BCAS3: variants seen among roughly 807,000 people sequenced by gnomAD.
BCAS3 encodes the protein BCAS3 microtubule associated cell migration factor.
BCAS3 carries 53 observed loss-of-function variants against 116.1 expected under a neutral mutation model. The ratio of observed to expected loss-of-function variants is 0.46; its 90% confidence interval spans 0.37 to 0.57. The LOEUF is 0.57. BCAS3 is among the 20% of genes least tolerant of loss of function. BCAS3 has a pLI of 0.00. For missense variants in BCAS3, 917 were observed against 1,165.4 expected (o/e 0.79, Z 3.10); for synonymous variants, 391 against 408.2 (o/e 0.96, Z 0.51).
Position 61,302,354 on chromosome 17 carries a change from T to C in BCAS3, c.2426-65973T>C, listed in dbSNP as rs567397261. Among the ~76,000 whole-genome samples, 9 of 152,352 alleles carry C rather than the reference T, an allele frequency of 5.9e-5. No homozygotes were observed. Among genetic ancestry groups the C allele is most frequent in the African/African-American group, 2.2e-4 (9 of 41,586 alleles). On this transcript the variant is annotated intron_variant, in intron 22 of 23. Transcript: ENST00000407086. The surrounding 1 kb of genome is among the most constrained non-coding windows in gnomAD (Gnocchi z 4.4). The stretch of plus-strand genomic sequence containing the variant: ...TCAGCAATAACTCATGTCCACTTAA[T>C]GTGAAAATTGGTACCATCTAATAGA...
intron 7 of BCAS3, among the ~76,000 whole-genome samples, chr17:60,818,983 A>G (rs560314216): frequency 6.6e-6 from 1 of 152,296 alleles, no homozygotes; most frequent in East Asian, 1.9e-4. Flanking sequence ...CATGCTAGAT[A>G]TGATCTCTGT....
intron 13 of BCAS3, 48 bp from the exon 14 acceptor site, chr17:60,947,171 C>A: frequency 1.3e-6 from 2 of 1,528,728 alleles, no homozygotes; most frequent in Non-Finnish European, 8.9e-7. Context: ...ATATTTCATC[C>A]ACATACATAA....
At chr17:61,246,823 G>GTGTGTGTA (rs1555793391) in intron 22 of BCAS3, among the ~76,000 whole-genome samples, 1 of 151,722 alleles carries the variant, frequency 6.6e-6, no homozygotes, top group Non-Finnish European at 1.5e-5. Context: ...GTGTGTGTGT[G>GTGTGTGTA]TGTGTGTATG....
At chr17:61,114,070 G>T (rs2143757374) in intron 22 of BCAS3, among the ~76,000 whole-genome samples, 1 of 151,596 alleles carries the variant, frequency 6.6e-6, no homozygotes, top group East Asian at 1.9e-4. Flanking sequence ...AAGAAATTAG[G>T]TATTGATGGG....
chr17:61,110,522 G>A (rs2143728969), intron 22 of BCAS3, among the ~76,000 whole-genome samples: 1 of 152,344 alleles, frequency 6.6e-6, no homozygotes, highest in Admixed American at 6.5e-5. Flanking sequence ...CCTGAATATT[G>A]CGCTTTTCGG....
intron 6 of BCAS3, among the ~76,000 whole-genome samples, chr17:60,794,142 A>G (rs1248417202): frequency 1.3e-5 from 2 of 152,062 alleles, no homozygotes; most frequent in African/African-American, 4.8e-5. Flanking sequence ...TTTGACTTGC[A>G]TTTCCCTGAT....
chr17:61,006,813 A>C (rs1259750843), intron 15 of BCAS3, among the ~76,000 whole-genome samples: 2 of 152,026 alleles, frequency 1.3e-5, no homozygotes, highest in Admixed American at 6.6e-5. Context: ...GATCTTTTTA[A>C]AAAATTTTTA....
At chr17:61,163,256 C>T (rs926800177) in intron 22 of BCAS3, among the ~76,000 whole-genome samples, 5 of 152,082 alleles carry the variant, frequency 3.3e-5, no homozygotes, top group Admixed American at 1.3e-4. Context: ...AACCCAGTCT[C>T]TACTAAAAAT....
intron 19 of BCAS3, chr17:61,070,422 TAGAA>T (rs1370590867): frequency 6.8e-5 from 12 of 176,240 alleles, no homozygotes; most frequent in South Asian, 1.8e-4. Context: ...TTAAAAAAAA[TAGAA>T]AGGAAGCTTT....
chr17:61,048,869 G>A (rs1445603504), intron 19 of BCAS3, among the ~76,000 whole-genome samples: 2 of 151,878 alleles, frequency 1.3e-5, no homozygotes, highest in African/African-American at 4.8e-5. Flanking sequence ...CACAGAGTCA[G>A]GACTAGTGAC....
Position 60,924,463 on chromosome 17 carries a change from T to C in BCAS3, c.1050T>C (p.His350=), listed in dbSNP as rs1261826570. 4 of 1,613,650 alleles carry C rather than the reference T, an allele frequency of 2.5e-6. No homozygotes were observed. In the South Asian group the frequency reaches 3.3e-5, roughly 13 times the overall value. The change falls in exon 13 of 24, where the codon CAT becomes CAC. Residue 350 remains histidine, a synonymous_variant. Transcript: ENST00000407086. ...SDGIVAHFPA[H]EKPVCCMAFN... is the part of the protein sequence containing the mutation. ...GCATTGTGGCCCACTTCCCTGCCCA[T>C]GAGAAGCCAGTGTGCTGCATGGCTT...
chr17:61,046,058 T>TA (rs1491476577), intron 19 of BCAS3, among the ~76,000 whole-genome samples: 2 of 19,078 alleles, frequency 1.0e-4, no homozygotes, highest in South Asian at 1.5e-3. Flanking sequence ...ATATATATAT[T>TA]ATATATATAT....
intron 19 of BCAS3, among the ~76,000 whole-genome samples, chr17:61,044,834 C>T (rs182321372): frequency 1.9e-4 from 29 of 150,900 alleles, no homozygotes; most frequent in Admixed American, 1.8e-3. Flanking sequence ...TGCAGTAGCA[C>T]CATCTCAGCT....
At chr17:61,287,880 C>T (rs749429351) in intron 22 of BCAS3, among the ~76,000 whole-genome samples, 7 of 152,150 alleles carry the variant, frequency 4.6e-5, no homozygotes, top group Non-Finnish European at 7.3e-5. Flanking sequence ...TATTTTTGTT[C>T]ATTTTCTCAT....
intron 23 of BCAS3, chr17:61,382,664 AAAAG>A (rs2143630370): frequency 6.6e-6 from 1 of 152,292 alleles, no homozygotes; most frequent in East Asian, 1.9e-4. Context: ...TCCAAAAAAA[AAAAG>A]GAAGAAGGAA....
At chr17:61,096,732 G>A (rs1042083764) in intron 22 of BCAS3, among the ~76,000 whole-genome samples, 3 of 151,966 alleles carry the variant, frequency 2.0e-5, no homozygotes, top group African/African-American at 4.8e-5. Flanking sequence ...CCTCCACTAC[G>A]ATGTTGAATA....
chr17:61,190,388 G>A (rs2080029074), intron 22 of BCAS3, among the ~76,000 whole-genome samples: 1 of 151,516 alleles, frequency 6.6e-6, no homozygotes, highest in African/African-American at 2.4e-5. Context: ...TTAGCTGGGC[G>A]CAGTTGTGTG....
In BCAS3 at chr17:61,380,321, G is replaced by C; in HGVS notation, c.2594-11656G>C. The C allele has an allele frequency of 1.6e-6, 1 of 621,816 alleles. No individual in the cohort carries two copies. The highest frequency in any genetic ancestry group is 2.9e-6 in the Non-Finnish European group (1 of 347,312). The allele number at this position is 621,816 out of a possible 1,614,324, so 38.5% of individuals were successfully genotyped here. ...GAGAGGGAAGGATGATACCAGTTTA[G>C]GCTAGTGAGAAATCTGTAAAACCCT... is the stretch of plus-strand genomic sequence containing the variant. On this transcript the variant is annotated intron_variant, in intron 23 of 23. Transcript: ENST00000407086. The surrounding 1 kb of genome is among the most constrained non-coding windows in gnomAD (Gnocchi z 4.2).
intron 5 of BCAS3, among the ~76,000 whole-genome samples, chr17:60,735,482 C>T (rs1429551822): frequency 1.3e-5 from 2 of 151,944 alleles, no homozygotes; most frequent in African/African-American, 4.8e-5. Flanking sequence ...GAGACAGGGT[C>T]TCACTCTGTC....
Sources: allele counts gnomAD v4.1 joint callset (sites outside exome capture counted in the v4.1 genomes callset), GRCh38; gene constraint gnomAD v4.1.1; non-coding constraint Gnocchi (gnomAD v3.1); transcripts MANE v1.5; gene names NCBI Gene and HGNC (gene_info 2026-07-23, HGNC 2026-07-21).